The following CMTR1 variants were observed in gnomAD, a reference collection of about 807,000 sequenced individuals.
The protein encoded by CMTR1 is cap methyltransferase 1.
Under a neutral mutation model 107.0 loss-of-function variants are expected in CMTR1, and 39 were observed. The observed-to-expected ratio is 0.36, with a 90% CI of 0.28 to 0.48. The LOEUF is 0.48. CMTR1 is among the 20% of genes least tolerant of loss of function. The pLI is 0.99. For synonymous variants in CMTR1, 366 were observed against 379.5 expected (o/e 0.96, Z 0.41); for missense variants, 672 against 1,064.9 (o/e 0.63, Z 5.14).
upstream of CMTR1, among the ~76,000 whole-genome samples, chr6:37,428,282 G>A (rs1332629217): frequency 6.6e-6 from 1 of 152,186 alleles, no homozygotes; most frequent in Non-Finnish European, 1.5e-5. Flanking sequence ...CAGGCAGTTA[G>A]GCAGATGGTC....
At position 37,474,648 on chromosome 6, in the gene CMTR1, T is replaced by C; in HGVS notation, c.1944+2T>C. 2.5e-6 allele frequency: 4 copies of C among 1,613,414 alleles called. No individual in the cohort carries two copies. The highest frequency in any genetic ancestry group is 3.4e-6 in the Non-Finnish European group (4 of 1,179,670). On this transcript the variant is annotated splice_donor_variant, in intron 18 of 23. Coordinates refer to ENST00000373451, the MANE Select transcript of CMTR1 (RefSeq NM_015050.3). LOFTEE classifies it high-confidence loss of function. The stretch of plus-strand genomic sequence containing the variant: ...ATTGTGCATGAGCTGAAAGGGGAGG[T>C]CAGAGATGGTTCTGCTCAGGTGTTG...
intron 10 of CMTR1, among the ~76,000 whole-genome samples, 177 bp downstream of exon 10, chr6:37,459,861 G>A (rs1322211524): frequency 6.6e-6 from 1 of 152,052 alleles, no homozygotes; most frequent in East Asian, 1.9e-4. Flanking sequence ...ATTGTGTAGA[G>A]ACTGATGTTG....
chr6:37,430,790 G>C (rs1366462872), upstream of CMTR1, among the ~76,000 whole-genome samples: 3 of 152,164 alleles, frequency 2.0e-5, no homozygotes, highest in African/African-American at 4.8e-5. Flanking sequence ...TGAGGTGGGC[G>C]GATCACGAGG....
intron 13 of CMTR1, among the ~76,000 whole-genome samples, chr6:37,467,639 G>T (rs944172096): frequency 1.3e-5 from 2 of 152,074 alleles, no homozygotes; most frequent in African/African-American, 4.8e-5. Flanking sequence ...TGGGATCTTT[G>T]TTATTAGGCA....
intron 2 of CMTR1, among the ~76,000 whole-genome samples, chr6:37,439,605 C>G (rs544052178): frequency 6.6e-6 from 1 of 152,200 alleles, no homozygotes; most frequent in Non-Finnish European, 1.5e-5. Context: ...TTAAATTGCT[C>G]TAACAAGTTA....
At chr6:37,449,466 G>A (rs551162406) in intron 4 of CMTR1, among the ~76,000 whole-genome samples, 1 of 152,104 alleles carries the variant, frequency 6.6e-6, no homozygotes, top group East Asian at 1.9e-4. Flanking sequence ...GCACTGCCAT[G>A]CCCAGCTAAT....
chr6:37,476,267 G>A, intron 20 of CMTR1, 73 bp downstream of exon 20: 4 of 1,515,500 alleles, frequency 2.6e-6, no homozygotes, highest in Non-Finnish European at 3.7e-6. Context: ...TGAGGGACAG[G>A]AGGGCTCAGT....
chr6:37,450,882 T>A (rs544759150), intron 5 of CMTR1, among the ~76,000 whole-genome samples: 101 of 152,316 alleles, frequency 6.6e-4, no homozygotes, highest in African/African-American at 2.3e-3. Flanking sequence ...GAAAAGTTAT[T>A]TGCACTTTTC....
At chr6:37,429,118 T>C (rs566726354), upstream of CMTR1, among the ~76,000 whole-genome samples, 17 of 152,314 alleles carry the variant, frequency 1.1e-4, no homozygotes, top group East Asian at 2.9e-3. Flanking sequence ...GTTTTTCACG[T>C]TTGATACTTT....
intron 17 of CMTR1, among the ~76,000 whole-genome samples, chr6:37,474,150 C>A (rs1162867867): frequency 1.3e-5 from 2 of 152,234 alleles, no homozygotes; most frequent in Admixed American, 1.3e-4. Flanking sequence ...TACCCTCTCA[C>A]ACTTTGTCTT....
chr6:37,464,046 A>G (rs576041575), intron 13 of CMTR1, among the ~76,000 whole-genome samples: 1 of 152,302 alleles, frequency 6.6e-6, no homozygotes, highest in East Asian at 1.9e-4. Flanking sequence ...TGTTTAAGCA[A>G]CTCTATAACC....
intron 21 of CMTR1, among the ~76,000 whole-genome samples, chr6:37,477,874 A>G (rs923377517): frequency 3.9e-5 from 6 of 152,212 alleles, no homozygotes; most frequent in East Asian, 1.9e-4. Context: ...GTCAGGCAGA[A>G]ATACGGGCTC....
the CMTR1 span, among the ~76,000 whole-genome samples, chr6:37,425,248 G>A: frequency 1.3e-5 from 2 of 149,724 alleles, no homozygotes; most frequent in African/African-American, 4.9e-5. Context: ...CAGTTTTTCT[G>A]GATATAGAAT....
At chr6:37,425,250 A>T in the CMTR1 span, among the ~76,000 whole-genome samples, 4 of 149,510 alleles carry the variant, frequency 2.7e-5, no homozygotes, top group Non-Finnish European at 1.5e-5. Context: ...GTTTTTCTGG[A>T]TATAGAATTC....
upstream of CMTR1, among the ~76,000 whole-genome samples, chr6:37,432,473 T>C (rs1771405677): frequency 6.6e-6 from 1 of 152,058 alleles, no homozygotes; most frequent in African/African-American, 2.4e-5. Flanking sequence ...AGTGCATGAA[T>C]TGTGGCAATG....
chr6:37,457,151 T>TC (rs939746546), intron 8 of CMTR1, among the ~76,000 whole-genome samples: 9 of 150,816 alleles, frequency 6.0e-5, no homozygotes, highest in African/African-American at 2.2e-4. Flanking sequence ...GCTCAGGAGT[T>TC]CAAGGTTTCA....
chr6:37,446,453 A>AT lies in CMTR1; in HGVS notation c.444+4_444+5insT, dbSNP rs771565680. On this transcript the variant is annotated splice_donor_region_variant and intron_variant, in intron 4 of 23. Coordinates refer to ENST00000373451, the MANE Select transcript of CMTR1 (RefSeq NM_015050.3). ...GGACTGGCGAGATGAGCCAGAGGTA[A>AT]GTGTTAAAGTGAGGAGGAGATGGAA... The AT allele has an allele frequency of 4.4e-6, 7 of 1,608,418 alleles. No individual in the cohort carries two copies. The South Asian group carries it at 7.7e-5, about 18-fold the overall frequency.
intron 2 of CMTR1, chr6:37,436,246 A>G (rs1214362936): frequency 6.6e-6 from 1 of 152,658 alleles, no homozygotes; most frequent in Non-Finnish European, 1.5e-5. Context: ...CACTGTTTGC[A>G]TTAAGCGTCG....
At chr6:37,471,297 G>A (rs1422296598) in intron 14 of CMTR1, among the ~76,000 whole-genome samples, 3 of 152,144 alleles carry the variant, frequency 2.0e-5, no homozygotes, top group Non-Finnish European at 4.4e-5. Flanking sequence ...AGTAACCCAG[G>A]AAAAGGATAC....
Sources: gnomAD v4.1 joint callset for allele counts (sites outside exome capture counted in the v4.1 genomes callset) on GRCh38, gnomAD v4.1.1 for gene constraint, MANE v1.5 for transcripts, NCBI Gene and HGNC (gene_info 2026-07-23, HGNC 2026-07-21) for gene names.